Variants in NDRG4 observed in about 807,000 individuals in gnomAD.
The protein encoded by NDRG4 is NDRG family member 4, also known as protein NDRG4.
In NDRG4, 38 loss-of-function variants were observed where a neutral mutation model predicts 55.8. The ratio of observed to expected loss-of-function variants is 0.68; its 90% CI spans 0.53 to 0.89. The LOEUF is 0.89. NDRG4 is among the 40% of genes least tolerant of loss of function. NDRG4 has a pLI of 0.00. For missense variants in NDRG4, 455 were observed against 468.6 expected (o/e 0.97, Z 0.27); for synonymous variants, 190 against 182.7 (o/e 1.04, Z -0.32).
intron 1 of NDRG4, among the ~76,000 whole-genome samples, chr16:58,478,165 T>G (rs939440761): frequency 6.6e-6 from 1 of 152,056 alleles, no homozygotes; most frequent in African/African-American, 2.4e-5. Context: ...CCAAGGTGGA[T>G]GGATCACGAG....
intron 5 of NDRG4, 181 bp from the exon 6 acceptor site, chr16:58,506,201 AAATCC>A: frequency 1.5e-6 from 1 of 686,644 alleles, no homozygotes; most frequent in East Asian, 2.8e-5. Flanking sequence ...GATTCTAAAT[AAATCC>A]AAGAACTGTG....
At chr16:58,504,787 G>A in intron 5 of NDRG4, 138 bp downstream of exon 5, 1 of 813,076 alleles carries the variant, frequency 1.2e-6, no homozygotes, top group Non-Finnish European at 2.0e-6. Flanking sequence ...TCCTCTTTAT[G>A]TAGAAAACCT....
chr16:58,500,383 C>A, intron 1 of NDRG4, 114 bp downstream of exon 1: 1 of 1,376,132 alleles, frequency 7.3e-7, no homozygotes, highest in Non-Finnish European at 9.7e-7. Context: ...GCCCGGCCTT[C>A]AAATAGCCTC....
chr16:58,478,128 C>T (rs748334072), intron 1 of NDRG4, among the ~76,000 whole-genome samples: 2 of 152,180 alleles, frequency 1.3e-5, no homozygotes, highest in Non-Finnish European at 2.9e-5. Context: ...TGGTGGCTCA[C>T]GCCTGTAATC....
Position 58,509,174 on chromosome 16 carries a change from G to A in NDRG4, c.798G>A (p.Leu266=). 1.9e-6 allele frequency: 3 copies of A among 1,614,040 alleles called. No individual in the cohort carries two copies. The highest frequency in any genetic ancestry group is 2.5e-6 in the Non-Finnish European group (3 of 1,180,028). ...TFLKMADSGG[L]PQVTQPGKLT... Reference sequence around the variant, plus strand: ...TGCAGATGGCAGACTCTGGAGGGCTGCCCCAGGTCACACAGGTGAGACTTT... The same window carrying A: ...TGCAGATGGCAGACTCTGGAGGGCTACCCCAGGTCACACAGGTGAGACTTT... The change falls in exon 12 of 15, where the codon CTG becomes CTA. Residue 266 remains leucine (L), a synonymous_variant. Coordinates refer to ENST00000570248, the MANE Select transcript of NDRG4 (RefSeq NM_001242835.2).
upstream of NDRG4, chr16:58,499,890 C>T (rs1415658583): frequency 2.3e-6 from 1 of 426,142 alleles, no homozygotes; most frequent in African/African-American, 2.0e-5. Context: ...TGGCGTGTGC[C>T]TATGTGCTGG....
chr16:58,511,132 C>G (rs1001622759), intron 14 of NDRG4: 1 of 504,156 alleles, frequency 2.0e-6, no homozygotes, highest in East Asian at 3.3e-5. Context: ...AACAGTCCTA[C>G]TTCTCCACTG....
At chr16:58,465,021 C>T (rs752279285) in intron 1 of NDRG4, 38 of 1,246,458 alleles carry the variant, frequency 3.0e-5, no homozygotes, top group Non-Finnish European at 3.8e-5. Context: ...TGGAAACTCA[C>T]ATCCAGGGGG....
chr16:58,474,944 AAC>A (rs761324369), intron 1 of NDRG4, among the ~76,000 whole-genome samples: 23 of 152,320 alleles, frequency 1.5e-4, no homozygotes, highest in Admixed American at 3.9e-4. Flanking sequence ...AGTTGCTTGG[AAC>A]AGAGTCCCTC....
chr16:58,471,902 A>T (rs28451445), intron 1 of NDRG4, among the ~76,000 whole-genome samples: 6 of 151,864 alleles, frequency 4.0e-5, no homozygotes, highest in Admixed American at 1.3e-4. Flanking sequence ...TGTGTGTGTG[A>T]GAGAGAGCAG....
chr16:58,473,559 A>G (rs1417233986), intron 1 of NDRG4, among the ~76,000 whole-genome samples: 1 of 152,082 alleles, frequency 6.6e-6, no homozygotes, highest in African/African-American at 2.4e-5. Context: ...CCTTTTCTCA[A>G]GGTCTTCCCT....
chr16:58,482,657 C>CCCT, intron 1 of NDRG4, among the ~76,000 whole-genome samples: 1 of 150,978 alleles, frequency 6.6e-6, no homozygotes, highest in African/African-American at 2.4e-5. Flanking sequence ...TCTCTTTTCT[C>CCCT]TCTTTCCATC....
intron 1 of NDRG4, among the ~76,000 whole-genome samples, chr16:58,484,246 G>A (rs1005121765): frequency 6.6e-6 from 1 of 151,898 alleles, no homozygotes; most frequent in Admixed American, 6.6e-5. Flanking sequence ...GGTGGCAGGT[G>A]CCTGTAATCC....
Position 58,493,688 on chromosome 16 carries a change from G to A in NDRG4, c.73-1276G>A, listed in dbSNP as rs138335479. Among the ~76,000 whole-genome samples, 182 of 152,324 alleles carry A rather than the reference G, an allele frequency of 1.2e-3. 1 individual carries two copies. Among genetic ancestry groups the A allele is most frequent in the East Asian group, 0.012 (60 of 5,178 alleles). Reference sequence around the variant, plus strand: ...TCTAATCCTCACAACACTGAGGCTCGGAGGCTGAGTGAGCTGCCCGGGAGT... The same window carrying A: ...TCTAATCCTCACAACACTGAGGCTCAGAGGCTGAGTGAGCTGCCCGGGAGT... On this transcript the variant is annotated intron_variant, in intron 2 of 15. Transcript: ENST00000258187.
chr16:58,483,985 A>C (rs2034779241), intron 1 of NDRG4, among the ~76,000 whole-genome samples: 1 of 152,204 alleles, frequency 6.6e-6, no homozygotes. Flanking sequence ...TGGGAGGATC[A>C]CTTGAGTCCA....
Position 58,511,599 on chromosome 16 carries a change from G to A in NDRG4, c.*23G>A, listed in dbSNP as rs779933311. The A allele has an allele frequency of 1.7e-5, 28 of 1,612,808 alleles. No homozygotes were observed. In the East Asian group the frequency reaches 2.5e-4, roughly 14 times the overall value. On this transcript the variant is annotated 3_prime_UTR_variant, in exon 15 of 15. Transcript: ENST00000570248. Reference sequence around the variant, plus strand: ...TGAAGCCCTTGATCCCGCTGACGACGCCCACGTCGAGGCCCCACCGCCATC... The same window carrying A: ...TGAAGCCCTTGATCCCGCTGACGACACCCACGTCGAGGCCCCACCGCCATC...
At chr16:58,493,255 C>T (rs530806930) in intron 2 of NDRG4, among the ~76,000 whole-genome samples, 1 of 152,220 alleles carries the variant, frequency 6.6e-6, no homozygotes, top group East Asian at 1.9e-4. Context: ...CTCAGTCATC[C>T]GTGGTTTGTT....
intron 1 of NDRG4, among the ~76,000 whole-genome samples, chr16:58,472,455 A>T (rs968337612): frequency 6.6e-6 from 1 of 152,186 alleles, no homozygotes. Context: ...CCTGCTGTCA[A>T]GCACGTAGGG....
intron 1 of NDRG4, chr16:58,500,604 G>T (rs1043922510): frequency 2.6e-5 from 14 of 530,826 alleles, no homozygotes; most frequent in Non-Finnish European, 3.3e-5. Flanking sequence ...GGGCGCTAGT[G>T]CCTGCATGTC....
Sources: gnomAD v4.1 joint callset for allele counts (sites outside exome capture counted in the v4.1 genomes callset) on GRCh38, gnomAD v4.1.1 for gene constraint, MANE v1.5 for transcripts, NCBI Gene and HGNC (gene_info 2026-07-23, HGNC 2026-07-21) for gene names.